Variants in NOTCH2 observed in about 807,000 individuals in gnomAD.
NOTCH2 encodes the protein neurogenic locus notch homolog protein 2.
In NOTCH2, 29 loss-of-function variants were observed where a neutral mutation model predicts 235.8. The observed-to-expected ratio is 0.12, with a 90% CI of 0.09 to 0.17. NOTCH2 has a LOEUF of 0.17. Among genes scored for constraint, NOTCH2 ranks in the 10% least tolerant of loss-of-function variants. The probability of loss-of-function intolerance (pLI) is 1.00; values close to 1 mark genes in which losing one functional copy is unlikely to be tolerated. For synonymous variants in NOTCH2, 1,086 were observed against 1,141.5 expected (o/e 0.95, Z 0.98); for missense variants, 2,285 against 3,150.2 (o/e 0.73, Z 6.57).
chr1:119,959,279 C>T, intron 12 of NOTCH2, 113 bp downstream of exon 12: 3 of 734,076 alleles, frequency 4.1e-6, no homozygotes, highest in Non-Finnish European at 5.0e-6. Flanking sequence ...AGACTACTAA[C>T]CCTCCAGAGT....
rs183802420 is a variant in NOTCH2 at position 119,923,554 on chromosome 1, T to C, written c.4859+83A>G. ...TATTTTTCTGATCTTTGCATTTCTA[T>C]AGGTTGAGTTATGACTTGTGCTATA... is the stretch of plus-strand genomic sequence containing the variant. On this transcript the variant is annotated intron_variant, in intron 26 of 33. Coordinates refer to ENST00000256646, the MANE Select transcript of NOTCH2 (RefSeq NM_024408.4). 3.9e-4 allele frequency: 468 copies of C among 1,186,686 alleles called. 2 individuals are homozygous for C. The highest frequency in any genetic ancestry group is 2.7e-3 in the Middle Eastern group (10 of 3,690). The allele number at this position is 1,186,686 out of a possible 1,614,324, so 73.5% of individuals were successfully genotyped here. A position where few individuals can be genotyped will look rare whatever the true frequency, so the allele number is the denominator to read the frequency against.
In NOTCH2 at chr1:119,961,094, GTTACACCCATTTTACAGACAA is replaced by G. The variant is rs587760468; in HGVS notation, c.1916-1613_1916-1593del. 2.1e-3 allele frequency among the ~76,000 whole-genome samples: 313 copies of G among 152,230 alleles called. 1 individual carries two copies. Among genetic ancestry groups the G allele is most frequent in the African/African-American group, 7.3e-3 (305 of 41,546 alleles). On this transcript the variant is annotated intron_variant, in intron 11 of 33. Transcript: ENST00000256646. ...TCACCCACCCTGCACATTAGTCTGT[GTTACACCCATTTTACAGACAA>G]CAGGGCTGACCTGCACAGTGCCACC...
intron 23 of NOTCH2, among the ~76,000 whole-genome samples, chr1:119,926,841 A>G (rs1328999121): frequency 6.6e-6 from 1 of 152,236 alleles, no homozygotes; most frequent in Non-Finnish European, 1.5e-5. Flanking sequence ...CTACACAGTA[A>G]GTACCAACTC....
chr1:119,960,259 T>C (rs1650882696), intron 11 of NOTCH2, among the ~76,000 whole-genome samples: 1 of 152,112 alleles, frequency 6.6e-6, no homozygotes, highest in South Asian at 2.1e-4. Flanking sequence ...GATTTTGGAA[T>C]TTGTATCTAT....
intron 30 of NOTCH2, 102 bp from the exon 31 acceptor site, chr1:119,919,715 G>T (rs1303198853): frequency 1.1e-5 from 12 of 1,117,022 alleles, no homozygotes; most frequent in South Asian, 2.7e-5. Flanking sequence ...TAGGGGCAAA[G>T]AATTCCCTGT....
In NOTCH2 at chr1:119,955,145, C is replaced by T. The variant is rs781902176; in HGVS notation, c.2114G>A (p.Arg705His). 23 of 1,613,994 alleles carry T rather than the reference C, an allele frequency of 1.4e-5. No homozygotes were observed. Among genetic ancestry groups the T allele is most frequent in the African/African-American group, 4.0e-5 (3 of 74,910 alleles). The change falls in exon 13 of 34, where the codon CGC becomes CAC. Residue 705 changes from arginine (R) to histidine (H), a missense_variant. Coordinates refer to ENST00000256646, the MANE Select transcript of NOTCH2 (RefSeq NM_024408.4). ...ATGGGGTCCCTCGGGGCATATACAG[C>T]GGAAACCATTCACACCGTTGATACA... ...ATCINGVNGFRCICPEGPHHP... is the reference protein window; with the variant it reads ...ATCINGVNGFHCICPEGPHHP...
chr1:119,948,660 CTA>C, intron 16 of NOTCH2, 94 bp from the exon 17 acceptor site: 2 of 1,425,136 alleles, frequency 1.4e-6, no homozygotes, highest in Non-Finnish European at 2.0e-6. Context: ...GTGCATGGAG[CTA>C]TTCCACAGAC....
At position 119,911,784 on chromosome 1, in the gene NOTCH2, C is replaced by T. The variant is rs587611431; in HGVS notation, c.*3522G>A. The T allele has an allele frequency of 4.3e-6, 1 of 233,142 alleles. No individual in the cohort carries two copies. The highest frequency in any genetic ancestry group is 8.5e-6 in the Non-Finnish European group (1 of 118,058). 14.4% of individuals were successfully genotyped at this position (233,142 alleles called of 1,614,324 possible). A position where few individuals can be genotyped will look rare whatever the true frequency, so the allele number is the denominator to read the frequency against. Reference sequence around the variant, plus strand: ...TACTTCGCATTTCCATTGGAAGGCACCTTGTCCCTGAGCAACCATCTGTTT... The same window carrying T: ...TACTTCGCATTTCCATTGGAAGGCATCTTGTCCCTGAGCAACCATCTGTTT... On this transcript the variant is annotated 3_prime_UTR_variant, in exon 34 of 34. Coordinates refer to ENST00000256646, the MANE Select transcript of NOTCH2 (RefSeq NM_024408.4).
intron 5 of NOTCH2, among the ~76,000 whole-genome samples, chr1:119,980,171 C>A (rs1553201469): frequency 6.6e-6 from 1 of 152,178 alleles, no homozygotes; most frequent in Non-Finnish European, 1.5e-5. Context: ...AGCACGCTCA[C>A]ATTCTACACC....
At chr1:119,937,492 G>A (rs1232869241) in intron 20 of NOTCH2, 26 bp from the exon 21 acceptor site, 1 of 1,605,624 alleles carries the variant, frequency 6.2e-7, no homozygotes, top group African/African-American at 1.3e-5. Flanking sequence ...AGGGAGAAAT[G>A]TCATAGAAGA....
chr1:119,995,509 A>G (rs1336885749), intron 4 of NOTCH2: 2 of 152,264 alleles, frequency 1.3e-5, no homozygotes, highest in Admixed American at 6.5e-5. Context: ...TTTTCAAAAT[A>G]AAGTTGTTTA....
chr1:120,048,445 CTTTTT>C (rs782527466), intron 1 of NOTCH2, among the ~76,000 whole-genome samples: 1 of 100,466 alleles, frequency 1.0e-5, no homozygotes. Flanking sequence ...CCCAATACCA[CTTTTT>C]TTTTTTTTTT....
Position 119,938,006 on chromosome 1 carries a change from A to G in NOTCH2, c.3188T>C (p.Leu1063Pro). 6.2e-7 allele frequency: 1 copy of G among 1,614,234 alleles called. No individual in the cohort carries two copies. Among genetic ancestry groups the G allele is most frequent in the Non-Finnish European group, 8.5e-7 (1 of 1,180,014 alleles). The part of the protein sequence containing the change: ...LGYTGKNCQT[L>P]VNLCSRSPCK... The stretch of plus-strand genomic sequence containing the variant: ...TGGAGACCGACTGCAGAGATTCACC[A>G]GGGTCTGAAACAGAGGCAGGGGTGT... The change falls in exon 20 of 34, where the codon CTG becomes CCG. Residue 1063 changes from leucine (L) to proline (P), a missense_variant. Leu to Pro is a moderately conservative substitution (Grantham distance 98). Transcript: ENST00000256646.
chr1:119,954,985 G>T, intron 13 of NOTCH2, 55 bp downstream of exon 13: 1 of 1,587,280 alleles, frequency 6.3e-7, no homozygotes, highest in Non-Finnish European at 8.6e-7. Flanking sequence ...AGTACTACAA[G>T]CCAACTGGCT....
intron 2 of NOTCH2, among the ~76,000 whole-genome samples, chr1:120,015,133 A>C (rs1653384628): frequency 6.6e-6 from 1 of 152,160 alleles, no homozygotes; most frequent in African/African-American, 2.4e-5. Context: ...ATGATTTTTA[A>C]AAAAACTATA....
chr1:119,958,280 T>C (rs1272882880), intron 12 of NOTCH2, among the ~76,000 whole-genome samples: 10 of 152,202 alleles, frequency 6.6e-5, no homozygotes, highest in African/African-American at 2.4e-4. Flanking sequence ...TTCTCAGTGA[T>C]CTTTCACTGA....
chr1:119,941,298 G>C lies in NOTCH2; in HGVS notation c.2981+228C>G, dbSNP rs74414930. Among the ~76,000 whole-genome samples the C allele has an allele frequency of 2.5e-3, 386 of 152,264 alleles. 6 individuals are homozygous for C. In the East Asian group the frequency reaches 0.061, roughly 24 times the overall value. On this transcript the variant is annotated intron_variant, in intron 18 of 33. Coordinates refer to ENST00000256646, the MANE Select transcript of NOTCH2 (RefSeq NM_024408.4). ...AATTATAGCTCTTTCTGTTCCCTAA[G>C]CAAGAAATAATAAACCATCCCTATA... is the stretch of plus-strand genomic sequence containing the variant.
intron 16 of NOTCH2, 149 bp downstream of exon 16, chr1:119,948,858 G>A: frequency 8.9e-7 from 1 of 1,122,768 alleles, no homozygotes; most frequent in Non-Finnish European, 1.4e-6. Flanking sequence ...GCCATTTCAA[G>A]TAGCAGCTCC....
intron 22 of NOTCH2, among the ~76,000 whole-genome samples, chr1:119,929,686 TC>T (rs1553194887): frequency 6.6e-6 from 1 of 152,238 alleles, no homozygotes; most frequent in Admixed American, 6.5e-5. Flanking sequence ...GCTGACAAAT[TC>T]CTGTTGCCTA....
Sources: gnomAD v4.1 joint callset for allele counts (sites outside exome capture counted in the v4.1 genomes callset) on GRCh38, gnomAD v4.1.1 for gene constraint, MANE v1.5 for transcripts, NCBI Gene and HGNC (gene_info 2026-07-23, HGNC 2026-07-21) for gene names.